The following SUPT3H variants were observed in gnomAD, a reference collection of about 807,000 sequenced individuals.
SUPT3H encodes the protein SPT3 homolog, SAGA and STAGA complex component.
A neutral mutation model predicts 44.3 loss-of-function variants in SUPT3H; 44 were observed. The ratio of observed to expected loss-of-function variants is 0.99; its 90% CI spans 0.78 to 1.28. The LOEUF is 1.28. Among genes scored for constraint, SUPT3H ranks in the 50% most tolerant of loss-of-function variants. The probability of loss-of-function intolerance (pLI) is 0.00; values close to 1 mark genes in which losing one functional copy is unlikely to be tolerated. For synonymous variants in SUPT3H, 124 were observed against 125.6 expected, an observed-to-expected ratio of 0.99 and a Z score of 0.09; for missense variants, 380 against 387.1, an observed-to-expected ratio of 0.98 and a Z score of 0.15.
chr6:45,318,577 A>G (rs1297231826), intron 2 of SUPT3H, among the ~76,000 whole-genome samples: 1 of 152,168 alleles, frequency 6.6e-6, no homozygotes. Flanking sequence ...TGTAAATTTA[A>G]AACTGCACTG....
At chr6:45,278,671 T>C (rs1777427890) in intron 2 of SUPT3H, among the ~76,000 whole-genome samples, 1 of 152,194 alleles carries the variant, frequency 6.6e-6, no homozygotes, top group Non-Finnish European at 1.5e-5. Flanking sequence ...TAAATGTCAT[T>C]GCAAAAGAAT....
chr6:44,815,122 C>T (rs1766823814), intron 11 of SUPT3H, among the ~76,000 whole-genome samples: 1 of 152,082 alleles, frequency 6.6e-6, no homozygotes, highest in African/African-American at 2.4e-5. Flanking sequence ...ATGTCAGTCA[C>T]GTGTAGTCTC....
chr6:45,086,219 C>T (rs1255806524), intron 3 of SUPT3H, among the ~76,000 whole-genome samples: 2 of 151,924 alleles, frequency 1.3e-5, no homozygotes, highest in Non-Finnish European at 2.9e-5. Flanking sequence ...TCTGTATTGG[C>T]CAACTATATT....
At chr6:44,883,829 T>C (rs1370150649) in intron 10 of SUPT3H, among the ~76,000 whole-genome samples, 1 of 152,158 alleles carries the variant, frequency 6.6e-6, no homozygotes, top group South Asian at 2.1e-4. Flanking sequence ...TGCAGAATAA[T>C]GAAACTGGAC....
chr6:45,090,509 A>AT (rs980724579), intron 3 of SUPT3H, among the ~76,000 whole-genome samples: 1 of 152,082 alleles, frequency 6.6e-6, no homozygotes, highest in African/African-American at 2.4e-5. Flanking sequence ...CTGATCTCTG[A>AT]TTTTTATGAA....
rs145364349 is a variant in SUPT3H, at chr6:45,328,602, A to G, written c.101+36599T>C. ...ACAGAAAAAAATAAATATAAAGTCT[A>G]TGTACTCCAGGCATACTGTAAAACT... On this transcript the variant is annotated intron_variant, in intron 2 of 10. Transcript: ENST00000371459. 0.01 allele frequency: 16,281 copies of G among 1,604,222 alleles called. 115 individuals are homozygous for G. The highest frequency in any genetic ancestry group is 0.013 in the Non-Finnish European group (14,689 of 1,174,604).
chr6:45,165,316 AGCAACAC>A (rs1809661996), intron 2 of SUPT3H, among the ~76,000 whole-genome samples: 1 of 152,224 alleles, frequency 6.6e-6, no homozygotes, highest in Non-Finnish European at 1.5e-5. Flanking sequence ...AAATGAATGT[AGCAACAC>A]CAAAATCCAA....
At chr6:45,204,250 AAAGAAGAAG>A (rs59918814) in intron 2 of SUPT3H, among the ~76,000 whole-genome samples, 6 of 143,044 alleles carry the variant, frequency 4.2e-5, no homozygotes, top group Non-Finnish European at 9.0e-5. Context: ...CCGTCTCAAA[AAAGAAGAAG>A]AAGAAGAAGA....
Position 45,131,583 on chromosome 6 carries a change from G to A in SUPT3H, c.102-25577C>T, listed in dbSNP as rs1471722454. Among the ~76,000 whole-genome samples the A allele has an allele frequency of 3.9e-5, 6 of 152,246 alleles. No individual in the cohort carries two copies. In the East Asian group the frequency reaches 1.2e-3, roughly 29 times the overall value. ...AGTTTTGATAAAGGAAGCCATTAAA[G>A]TCAAACTGTTACCATATAAGCCAAA... On this transcript the variant is annotated intron_variant, in intron 2 of 10. Coordinates refer to ENST00000371459, the MANE Select transcript of SUPT3H (RefSeq NM_003599.4).
chr6:45,141,983 T>A (rs1444632053), intron 2 of SUPT3H, among the ~76,000 whole-genome samples: 1 of 152,156 alleles, frequency 6.6e-6, no homozygotes, highest in Admixed American at 6.6e-5. Context: ...AATCTTAAGA[T>A]CTGTGAGACA....
chr6:45,162,142 C>T (rs929849387), intron 2 of SUPT3H, among the ~76,000 whole-genome samples: 2 of 151,866 alleles, frequency 1.3e-5, no homozygotes, highest in African/African-American at 2.4e-5. Flanking sequence ...GGTCTTTGCC[C>T]CATAGATTTA....
chr6:45,129,961 G>A lies in SUPT3H; in HGVS notation c.102-23955C>T, dbSNP rs570418645. Reference sequence around the variant, plus strand: ...GTAATGATTGGTAAAAGCCACTTGCGAACTGGCACAAGACAGCTAAGTGAT... The same window carrying A: ...GTAATGATTGGTAAAAGCCACTTGCAAACTGGCACAAGACAGCTAAGTGAT... On this transcript the variant is annotated intron_variant, in intron 2 of 10. Coordinates refer to ENST00000371459, the MANE Select transcript of SUPT3H (RefSeq NM_003599.4). 1.9e-3 allele frequency among the ~76,000 whole-genome samples: 285 copies of A among 152,208 alleles called. 1 individual carries two copies. The highest frequency in any genetic ancestry group is 6.3e-3 in the African/African-American group (263 of 41,520).
chr6:44,870,801 C>A (rs1184089103), intron 10 of SUPT3H, among the ~76,000 whole-genome samples: 1 of 150,546 alleles, frequency 6.6e-6, no homozygotes. Flanking sequence ...GCACCCTGCG[C>A]GAGCTGAAGC....
At chr6:45,282,795 A>G (rs985154417) in intron 2 of SUPT3H, among the ~76,000 whole-genome samples, 3 of 152,188 alleles carry the variant, frequency 2.0e-5, no homozygotes, top group Non-Finnish European at 2.9e-5. Flanking sequence ...AGATTCACCA[A>G]AGTTGAAATA....
rs1162062934 is a variant in SUPT3H at position 44,840,734 on chromosome 6, T to C, written c.913-10877A>G. 2.0e-5 allele frequency among the ~76,000 whole-genome samples: 3 copies of C among 152,318 alleles called. No homozygotes were observed. The East Asian group carries it at 5.8e-4, about 29-fold the overall frequency. On this transcript the variant is annotated intron_variant, in intron 10 of 10. Coordinates refer to ENST00000371459, the MANE Select transcript of SUPT3H (RefSeq NM_003599.4). Reference sequence around the variant, plus strand: ...ATTACATGTGTAAAACTATTTCCTATAGTGGTTTCCTTTTGTGATTTTGCT... The same window carrying C: ...ATTACATGTGTAAAACTATTTCCTACAGTGGTTTCCTTTTGTGATTTTGCT...
intron 2 of SUPT3H, among the ~76,000 whole-genome samples, chr6:45,205,538 T>A (rs752097929): frequency 1.3e-5 from 2 of 152,152 alleles, no homozygotes; most frequent in African/African-American, 2.4e-5. Flanking sequence ...TGGCTCATGC[T>A]GTAATCTCAG....
At chr6:44,867,937 C>T (rs1204979732) in intron 10 of SUPT3H, among the ~76,000 whole-genome samples, 1 of 150,808 alleles carries the variant, frequency 6.6e-6, no homozygotes, top group Non-Finnish European at 1.5e-5. Flanking sequence ...TTTCTATCCC[C>T]CATCCCTACC....
At chr6:45,281,642 C>G (rs533912326) in intron 2 of SUPT3H, among the ~76,000 whole-genome samples, 2 of 152,182 alleles carry the variant, frequency 1.3e-5, no homozygotes, top group African/African-American at 4.8e-5. Flanking sequence ...GCCTGCCTGC[C>G]TCTGTAGACT....
intron 10 of SUPT3H, among the ~76,000 whole-genome samples, chr6:44,907,498 G>A (rs962759803): frequency 6.6e-6 from 1 of 152,102 alleles, no homozygotes; most frequent in East Asian, 1.9e-4. Flanking sequence ...CCAACATGGT[G>A]AGACCCTATC....
Sources: gnomAD v4.1 joint callset for allele counts (sites outside exome capture counted in the v4.1 genomes callset) on GRCh38, gnomAD v4.1.1 for gene constraint, MANE v1.5 for transcripts, NCBI Gene and HGNC (gene_info 2026-07-23, HGNC 2026-07-21) for gene names.